SNTG1: variants seen among roughly 807,000 people sequenced by gnomAD.
SNTG1 encodes syntrophin gamma 1.
In SNTG1, 39 loss-of-function variants were observed where a neutral mutation model predicts 74.7. The ratio of observed to expected loss-of-function variants is 0.52; its 90% CI spans 0.40 to 0.68. The LOEUF is 0.68. SNTG1 is among the 30% of genes least tolerant of loss of function. The pLI, the probability that SNTG1 is intolerant of heterozygous loss-of-function variation, is 0.00. For synonymous variants in SNTG1, 254 were observed against 217.1 expected (o/e 1.17, Z -1.49); for missense variants, 685 against 609.5 (o/e 1.12, Z -1.30).
chr8:50,504,971 A>G (rs2093994271), intron 9 of SNTG1, among the ~76,000 whole-genome samples: 1 of 152,150 alleles, frequency 6.6e-6, no homozygotes, highest in Non-Finnish European at 1.5e-5. Context: ...TGGAAATTCT[A>G]TACCCCTTAA....
chr8:49,950,305 C>G (rs947837662), intron 1 of SNTG1, among the ~76,000 whole-genome samples: 1 of 152,082 alleles, frequency 6.6e-6, no homozygotes, highest in African/African-American at 2.4e-5. Flanking sequence ...AGTCCCATGG[C>G]ACATGATAAA....
At chr8:50,016,079 C>A (rs1381542113) in intron 1 of SNTG1, among the ~76,000 whole-genome samples, 1 of 152,042 alleles carries the variant, frequency 6.6e-6, no homozygotes, top group Non-Finnish European at 1.5e-5. Flanking sequence ...AATGGTTTCA[C>A]AGGGATTCAG....
intron 1 of SNTG1, among the ~76,000 whole-genome samples, chr8:50,145,438 CA>C (rs975429993): frequency 2.6e-5 from 4 of 151,642 alleles, no homozygotes; most frequent in Admixed American, 6.6e-5. Context: ...ATTTATTATT[CA>C]AAAAAAATTG....
At chr8:50,412,294 A>T (rs531038326) in intron 4 of SNTG1, among the ~76,000 whole-genome samples, 4 of 152,216 alleles carry the variant, frequency 2.6e-5, no homozygotes, top group African/African-American at 9.6e-5. Flanking sequence ...TTTAATACTT[A>T]GTTTTTTCTT....
chr8:49,944,964 A>G (rs1367281025), intron 1 of SNTG1, among the ~76,000 whole-genome samples: 1 of 151,880 alleles, frequency 6.6e-6, no homozygotes, highest in Non-Finnish European at 1.5e-5. Context: ...ATTTTTTTGT[A>G]TTTTTAGTAG....
intron 1 of SNTG1, among the ~76,000 whole-genome samples, chr8:49,965,262 C>G (rs1438066010): frequency 6.6e-6 from 1 of 152,128 alleles, no homozygotes; most frequent in Non-Finnish European, 1.5e-5. Context: ...TGGATTCTAA[C>G]AAATCTAGTA....
chr8:49,938,185 A>G (rs1808259247), intron 1 of SNTG1, among the ~76,000 whole-genome samples: 1 of 152,150 alleles, frequency 6.6e-6, no homozygotes, highest in South Asian at 2.1e-4. Context: ...TGACCATGTA[A>G]TTCCTTGGTG....
chr8:50,237,689 C>A (rs1019171199), intron 2 of SNTG1, among the ~76,000 whole-genome samples: 9 of 151,904 alleles, frequency 5.9e-5, no homozygotes, highest in Admixed American at 5.2e-4. Context: ...CATATTTAAT[C>A]CATCACTGTT....
intron 18 of SNTG1, among the ~76,000 whole-genome samples, chr8:50,784,847 C>T (rs1304070444): frequency 2.0e-5 from 3 of 151,980 alleles, no homozygotes; most frequent in Non-Finnish European, 4.4e-5. Context: ...TAAAATAATA[C>T]AAATTATGTT....
chr8:50,670,662 T>A (rs1286392442), intron 15 of SNTG1, among the ~76,000 whole-genome samples: 25 of 140,736 alleles, frequency 1.8e-4, no homozygotes, highest in Admixed American at 5.0e-4. Context: ...AAGCTACCAA[T>A]GACTTTCTTC....
At chr8:50,001,593 A>AT (rs1324846176) in intron 1 of SNTG1, among the ~76,000 whole-genome samples, 1 of 152,128 alleles carries the variant, frequency 6.6e-6, no homozygotes, top group East Asian at 1.9e-4. Context: ...AGTTTCGTGG[A>AT]TTTTCAACTC....
intron 15 of SNTG1, among the ~76,000 whole-genome samples, chr8:50,702,210 G>T (rs1054411883): frequency 4.0e-5 from 6 of 151,812 alleles, no homozygotes; most frequent in African/African-American, 7.3e-5. Context: ...TACTTGTGTA[G>T]TTATTATCTC....
At chr8:50,054,688 T>C (rs926492084) in intron 1 of SNTG1, among the ~76,000 whole-genome samples, 1 of 152,094 alleles carries the variant, frequency 6.6e-6, no homozygotes, top group Non-Finnish European at 1.5e-5. Flanking sequence ...TTATTTATTT[T>C]TGAGTTGGGG....
intron 4 of SNTG1, among the ~76,000 whole-genome samples, chr8:50,406,392 A>C (rs2131372596): frequency 1.3e-5 from 2 of 152,244 alleles, no homozygotes; most frequent in South Asian, 4.1e-4. Context: ...TTGATTTTGT[A>C]TTCTGCTACT....
chr8:50,026,597 C>A (rs16914208), intron 1 of SNTG1, among the ~76,000 whole-genome samples: 11 of 152,004 alleles, frequency 7.2e-5, no homozygotes, highest in African/African-American at 2.7e-4. Context: ...CAACAGAAAC[C>A]CAAAACCAAC....
At chr8:50,417,037 T>A (rs189423896) in intron 4 of SNTG1, among the ~76,000 whole-genome samples, 24 of 152,290 alleles carry the variant, frequency 1.6e-4, no homozygotes, top group African/African-American at 5.8e-4. Flanking sequence ...CTTGAAAAAG[T>A]GTTTTAAAGA....
chr8:50,182,685 C>A (rs1432942269), intron 2 of SNTG1, among the ~76,000 whole-genome samples: 1 of 152,040 alleles, frequency 6.6e-6, no homozygotes, highest in African/African-American at 2.4e-5. Flanking sequence ...ACTTCAGATT[C>A]TCTTAATTTC....
rs376088272 is a variant in SNTG1 at position 50,728,959 on chromosome 8, T to C, written c.1284+19981T>C. Among the ~76,000 whole-genome samples, 113 of 152,358 alleles carry C rather than the reference T, an allele frequency of 7.4e-4. 3 individuals are homozygous for C. In the South Asian group the frequency reaches 0.022, roughly 29 times the overall value. ...GTGGGGAGCATTTTCTCCTCACTTA[T>C]GTTTTAAGAACAACTAACTGAGGGG... is the stretch of plus-strand genomic sequence containing the variant. On this transcript the variant is annotated intron_variant, in intron 17 of 18. Transcript: ENST00000642720.
chr8:50,441,142 T>C (rs1389434299), intron 5 of SNTG1, among the ~76,000 whole-genome samples: 2 of 152,026 alleles, frequency 1.3e-5, no homozygotes, highest in Non-Finnish European at 2.9e-5. Flanking sequence ...CTGAGTCCAT[T>C]GTTTTGTTGA....
Sources: gnomAD v4.1 joint callset for allele counts (sites outside exome capture counted in the v4.1 genomes callset) on GRCh38, gnomAD v4.1.1 for gene constraint, MANE v1.5 for transcripts, NCBI Gene and HGNC (gene_info 2026-07-23, HGNC 2026-07-21) for gene names.